Variants in CACNA1C observed in about 807,000 individuals in gnomAD.
The protein encoded by CACNA1C is voltage-dependent L-type calcium channel subunit alpha-1C.
A neutral mutation model predicts 229.0 loss-of-function variants in CACNA1C; 30 were observed. The ratio of observed to expected loss-of-function variants is 0.13; its 90% CI spans 0.10 to 0.18. The LOEUF (loss-of-function observed/expected upper bound fraction) is 0.18, where lower values mean the gene tolerates loss of function less well. Ranked by LOEUF, CACNA1C falls within the 10% of genes least tolerant of loss-of-function variation. The probability of loss-of-function intolerance (pLI) is 1.00; values close to 1 mark genes in which losing one functional copy is unlikely to be tolerated. For synonymous variants in CACNA1C, 1,114 were observed against 1,132.5 expected, an observed-to-expected ratio of 0.98 and a Z score of 0.33; for missense variants, 1,658 against 2,845.0, an observed-to-expected ratio of 0.58 and a Z score of 9.49.
rs201551454 is a variant in CACNA1C, at chr12:2,651,595, C to T, written c.3946-45C>T. 10 of 1,613,740 alleles carry T rather than the reference C, an allele frequency of 6.2e-6. No individual in the cohort carries two copies. Among genetic ancestry groups the T allele is most frequent in the African/African-American group, 2.7e-5 (2 of 74,904 alleles). On this transcript the variant is annotated intron_variant, in intron 31 of 46. Coordinates refer to ENST00000399655, the MANE Select transcript of CACNA1C (RefSeq NM_000719.7). This position sits in a 1 kb window ranked among gnomAD's most constrained non-coding sequence, Gnocchi z 5.4. The stretch of plus-strand genomic sequence containing the variant: ...GGAGGGGCCCTCCTGTTCTCACCCC[C>T]CTCTTGCTGTGCTAACTGCACCTCC...
In CACNA1C at chr12:2,620,357, G is replaced by A. The variant is rs141823742; in HGVS notation, c.3828+8344G>A. 2.3e-4 allele frequency among the ~76,000 whole-genome samples: 35 copies of A among 152,260 alleles called. No individual in the cohort carries two copies. The East Asian group carries it at 6.4e-3, about 28-fold the overall frequency. The stretch of plus-strand genomic sequence containing the variant: ...GTGACTCAAAAGCCACTCTTTCCAC[G>A]ACAACCCTATTAAAACAAGAAATGT... On this transcript the variant is annotated intron_variant, in intron 29 of 46. Transcript: ENST00000399655.
At chr12:2,102,572 C>G (rs1471616060) in intron 1 of CACNA1C, among the ~76,000 whole-genome samples, 1 of 152,148 alleles carries the variant, frequency 6.6e-6, no homozygotes, top group Admixed American at 6.5e-5. Flanking sequence ...TGTCCTCAGG[C>G]AGGCAGATTA....
At position 2,346,347 on chromosome 12, in the gene CACNA1C, T is replaced by C. The variant is rs2097021778; in HGVS notation, c.478-102629T>C. ...TCTTTGTAATGTGTGTGTGTGCCTA[T>C]GTATGTCTCTGTGTTTGTGTGTTTG... On this transcript the variant is annotated intron_variant, in intron 3 of 46. Transcript: ENST00000399655. This position sits in a 1 kb window ranked among gnomAD's most constrained non-coding sequence, Gnocchi z 4.4. Among the ~76,000 whole-genome samples, 1 of 152,164 alleles carries C rather than the reference T, an allele frequency of 6.6e-6. No individual in the cohort carries two copies. Among genetic ancestry groups the C allele is most frequent in the African/African-American group, 2.4e-5 (1 of 41,434 alleles).
intron 3 of CACNA1C, among the ~76,000 whole-genome samples, chr12:2,150,321 G>A (rs1205344904): frequency 6.6e-6 from 1 of 152,176 alleles, no homozygotes; most frequent in Non-Finnish European, 1.5e-5. Flanking sequence ...TGTCTATCAA[G>A]TGACATCACA....
rs796705288 is a variant in CACNA1C, at chr12:2,630,022, G to T, written c.3829-4275G>T. 1.3e-5 allele frequency among the ~76,000 whole-genome samples: 2 copies of T among 152,318 alleles called. No individual in the cohort carries two copies. Among genetic ancestry groups the T allele is most frequent in the African/African-American group, 4.8e-5 (2 of 41,576 alleles). On this transcript the variant is annotated intron_variant, in intron 29 of 46. Coordinates refer to ENST00000399655, the MANE Select transcript of CACNA1C (RefSeq NM_000719.7). This position sits in a 1 kb window ranked among gnomAD's most constrained non-coding sequence, Gnocchi z 5.4. ...ATCCACTCAGCCTGTGGGATTGGGG[G>T]ATGGCGAGGGCAAGGCTTCCAGCTG...
chr12:2,593,718 G>A lies in CACNA1C; in HGVS notation c.2663+373G>A, dbSNP rs142713249. Among the ~76,000 whole-genome samples the A allele has an allele frequency of 3.9e-3, 601 of 152,250 alleles. 8 individuals are homozygous for A. Among genetic ancestry groups the A allele is most frequent in the East Asian group, 0.013 (66 of 5,182 alleles). On this transcript the variant is annotated intron_variant, in intron 19 of 46. Coordinates refer to ENST00000399655, the MANE Select transcript of CACNA1C (RefSeq NM_000719.7). Reference sequence around the variant, plus strand: ...TGCTCCTTACTTACATGGAATTGTCGTTAGTATTTTAGTCCAACTTTTATT... The same window carrying A: ...TGCTCCTTACTTACATGGAATTGTCATTAGTATTTTAGTCCAACTTTTATT...
intron 29 of CACNA1C, among the ~76,000 whole-genome samples, chr12:2,616,421 C>T (rs201621510): frequency 6.6e-6 from 1 of 152,214 alleles, no homozygotes; most frequent in Non-Finnish European, 1.5e-5. Context: ...GACAGTCTCT[C>T]GCCCTGGCCG....
chr12:2,279,727 TAA>T (rs1169224445), intron 3 of CACNA1C, among the ~76,000 whole-genome samples: 16 of 152,176 alleles, frequency 1.1e-4, no homozygotes, highest in Admixed American at 7.9e-4. Context: ...AAAATAAAAA[TAA>T]AAAATATAAC....
intron 7 of CACNA1C, among the ~76,000 whole-genome samples, chr12:2,501,793 C>T (rs1026955660): frequency 1.9e-4 from 29 of 152,260 alleles, no homozygotes; most frequent in African/African-American, 6.8e-4. Flanking sequence ...AGCTCCCAGG[C>T]TCCCTGGGAT....
intron 18 of CACNA1C, among the ~76,000 whole-genome samples, chr12:2,592,135 A>T (rs1425714404): frequency 6.6e-6 from 1 of 152,264 alleles, no homozygotes; most frequent in Non-Finnish European, 1.5e-5. Flanking sequence ...TGAAGTGCTC[A>T]GAAAATAGTT....
rs1169407536 is a variant in CACNA1C, at chr12:2,232,227, GTTTTTTTTTT to G, written c.477+111813_477+111822del. Among the ~76,000 whole-genome samples, 582 of 73,572 alleles carry G rather than the reference GTTTTTTTTTT, an allele frequency of 7.9e-3. 10 individuals carry two copies. The Middle Eastern group carries it at 0.1, about 13-fold the overall frequency. 48.3% of individuals were successfully genotyped at this position (73,572 alleles called of 152,430 possible). ...TGGTGGTAGTTCTCAGTCTTTCCTT[GTTTTTTTTTT>G]TTTTTTTTTTTTTTTGTTTGTTTGT... On this transcript the variant is annotated intron_variant, in intron 3 of 46. Transcript: ENST00000399655.
At chr12:2,008,278 C>T (rs1208047678) in intron 1 of CACNA1C, among the ~76,000 whole-genome samples, 3 of 152,084 alleles carry the variant, frequency 2.0e-5, no homozygotes, top group Non-Finnish European at 1.5e-5. Context: ...CCACCATGCC[C>T]GGCCAATGTT....
Position 2,585,884 on chromosome 12 carries a change from A to G in CACNA1C, c.2510A>G (p.Tyr837Cys). 1 of 1,602,800 alleles carries G rather than the reference A, an allele frequency of 6.2e-7. No individual in the cohort carries two copies. The highest frequency in any genetic ancestry group is 8.5e-7 in the Non-Finnish European group (1 of 1,174,392). The change falls in exon 18 of 47, where the codon TAC (tyrosine) becomes TGC (cysteine). Residue 837 changes from tyrosine to cysteine, a missense_variant. By Grantham distance (194) the Tyr-to-Cys change is radical. Transcript: ENST00000399655. This position sits in a 1 kb window ranked among gnomAD's most constrained non-coding sequence, Gnocchi z 4.1. ...QPNENEDKSP[Y>C]PNPETTGEED... Reference sequence around the variant, plus strand: ...AATGAAAATGAGGATAAGAGCCCCTACCCCAACCCAGAAACTACAGGTACC... The same window carrying G: ...AATGAAAATGAGGATAAGAGCCCCTGCCCCAACCCAGAAACTACAGGTACC...
At chr12:2,624,944 G>T (rs1258216150) in intron 29 of CACNA1C, among the ~76,000 whole-genome samples, 1 of 152,218 alleles carries the variant, frequency 6.6e-6, no homozygotes, top group African/African-American at 2.4e-5. Flanking sequence ...TTCGCCATCG[G>T]CACAGAATTC....
At chr12:2,520,110 G>A (rs1020889628) in intron 9 of CACNA1C, among the ~76,000 whole-genome samples, 8 of 151,376 alleles carry the variant, frequency 5.3e-5, no homozygotes, top group Non-Finnish European at 1.0e-4. Context: ...ATGGCCGTGT[G>A]CTTCAGAGGA....
chr12:2,010,346 G>T (rs2044188175), intron 1 of CACNA1C, among the ~76,000 whole-genome samples: 1 of 152,190 alleles, frequency 6.6e-6, no homozygotes, highest in Non-Finnish European at 1.5e-5. Flanking sequence ...AGAATGAGAA[G>T]GGGCAGATAA....
At chr12:2,207,856 G>A (rs1203230136) in intron 3 of CACNA1C, among the ~76,000 whole-genome samples, 1 of 151,486 alleles carries the variant, frequency 6.6e-6, no homozygotes, top group African/African-American at 2.4e-5. Flanking sequence ...ATGAGAAATT[G>A]GCTAGCGTTT....
Position 2,651,790 on chromosome 12 carries a change from C to T in CACNA1C, c.4074+22C>T, listed in dbSNP as rs746321130. 1.7e-5 allele frequency: 26 copies of T among 1,556,888 alleles called. No homozygotes were observed. Among genetic ancestry groups the T allele is most frequent in the African/African-American group, 5.1e-5 (3 of 59,006 alleles). Reference sequence around the variant, plus strand: ...CCAGGTAGCCGCCCCTCATGTCCTGCGGCCCGGGGAATCGCAGGGCTGCCG... The same window carrying T: ...CCAGGTAGCCGCCCCTCATGTCCTGTGGCCCGGGGAATCGCAGGGCTGCCG... On this transcript the variant is annotated intron_variant, in intron 32 of 46. Coordinates refer to ENST00000399655, the MANE Select transcript of CACNA1C (RefSeq NM_000719.7). The surrounding 1 kb of genome is among the most constrained non-coding windows in gnomAD (Gnocchi z 5.4).
chr12:2,246,887 C>T (rs1017812513), intron 3 of CACNA1C, among the ~76,000 whole-genome samples: 8 of 152,160 alleles, frequency 5.3e-5, no homozygotes, highest in East Asian at 1.9e-4. Flanking sequence ...CCTGGGCTGA[C>T]GCTTCATGCA....
Sources: allele counts gnomAD v4.1 joint callset (sites outside exome capture counted in the v4.1 genomes callset), GRCh38; gene constraint gnomAD v4.1.1; non-coding constraint Gnocchi (gnomAD v3.1); transcripts MANE v1.5; gene names NCBI Gene and HGNC (gene_info 2026-07-23, HGNC 2026-07-21).